SCAPER: variants seen among roughly 807,000 people sequenced by gnomAD.
SCAPER encodes S-phase cyclin A associated protein in the ER.
SCAPER carries 98 observed loss-of-function variants against 182.2 expected under a neutral mutation model. That is an observed-to-expected ratio of 0.54 (90% CI 0.46 to 0.64). The LOEUF (loss-of-function observed/expected upper bound fraction) is 0.64. Ranked by LOEUF, SCAPER falls within the 30% of genes least tolerant of loss-of-function variation. SCAPER has a pLI of 0.00. For synonymous variants in SCAPER, 605 were observed against 564.6 expected (o/e 1.07, Z -1.01); for missense variants, 1,432 against 1,690.0 (o/e 0.85, Z 2.68).
chr15:76,602,250 G>A lies in SCAPER; in HGVS notation c.2711+19514C>T, dbSNP rs549663419. On this transcript the variant is annotated intron_variant, in intron 22 of 31. Transcript: ENST00000563290. ...TTATACAGATCTGAGTTTCTGATCT[G>A]TATCATTTAACTTCTCTCTGAAGAA... Among the ~76,000 whole-genome samples, 55 of 121,926 alleles carry A rather than the reference G, an allele frequency of 4.5e-4. 3 individuals are homozygous for A. The highest frequency in any genetic ancestry group is 1.4e-3 in the African/African-American group (55 of 39,976). 80.0% of individuals were successfully genotyped at this position (121,926 alleles called of 152,430 possible). A position where few individuals can be genotyped will look rare whatever the true frequency, so the allele number is the denominator to read the frequency against.
At chr15:76,766,273 T>C (rs1006147299) in intron 11 of SCAPER, among the ~76,000 whole-genome samples, 3 of 151,910 alleles carry the variant, frequency 2.0e-5, no homozygotes, top group Non-Finnish European at 4.4e-5. Flanking sequence ...ATTTTTGTAT[T>C]TTTAGTAGAG....
At chr15:76,760,530 TAC>T (rs1460412044) in intron 14 of SCAPER, among the ~76,000 whole-genome samples, 2 of 152,160 alleles carry the variant, frequency 1.3e-5, no homozygotes, top group East Asian at 3.9e-4. Context: ...GAAGCTTCAT[TAC>T]AGAGGCATGA....
intron 10 of SCAPER, among the ~76,000 whole-genome samples, chr15:76,769,718 G>C (rs1255332536): frequency 6.6e-6 from 1 of 152,166 alleles, no homozygotes; most frequent in South Asian, 2.1e-4. Context: ...CTGTTGGTGG[G>C]AGTGTAAATT....
At chr15:76,505,124 G>A in intron 23 of SCAPER, 150 bp from the exon 24 acceptor site, 1 of 648,626 alleles carries the variant, frequency 1.5e-6, no homozygotes, top group East Asian at 2.9e-5. Context: ...ACTGCTAATT[G>A]TTTCAGTACT....
chr15:76,424,931 T>G (rs1447869437), intron 26 of SCAPER, among the ~76,000 whole-genome samples: 1 of 152,190 alleles, frequency 6.6e-6, no homozygotes, highest in East Asian at 1.9e-4. Context: ...TCTTTAAGAA[T>G]GTTGAATATT....
chr15:76,841,734 C>G lies in SCAPER; in HGVS notation c.393G>C (p.Lys131Asn), dbSNP rs1224815141. The change falls in exon 5 of 32, where the codon AAG becomes AAC. Residue 131 changes from lysine to asparagine, a missense_variant and splice_region_variant. By Grantham distance (94) the Lys-to-Asn change is moderately conservative (BLOSUM62 0). Transcript: ENST00000563290. The stretch of plus-strand genomic sequence containing the variant: ...TACAAGGCCTCAAAGCAAACCTTAC[C>G]TTACATTCGACCACACTCTGATCTG... ...CESDQSVVEC[K>N]EVLMMLDNYV... The G allele has an allele frequency of 6.2e-7, 1 of 1,613,628 alleles. No homozygotes were observed.
chr15:76,836,743 A>G (rs868594010), intron 5 of SCAPER, among the ~76,000 whole-genome samples: 31 of 152,028 alleles, frequency 2.0e-4, no homozygotes, highest in African/African-American at 7.5e-4. Flanking sequence ...GCGTGGTGGC[A>G]GGCACCCGTA....
intron 4 of SCAPER, among the ~76,000 whole-genome samples, chr15:76,850,027 A>G (rs1302305832): frequency 6.6e-6 from 1 of 152,120 alleles, no homozygotes; most frequent in Non-Finnish European, 1.5e-5. Flanking sequence ...CCTATGATCC[A>G]ATTACCTCCA....
chr15:76,698,832 G>C (rs1170243757), intron 20 of SCAPER, among the ~76,000 whole-genome samples: 1 of 152,190 alleles, frequency 6.6e-6, no homozygotes, highest in Non-Finnish European at 1.5e-5. Flanking sequence ...GAATAGCATT[G>C]AATCTGCAAA....
intron 23 of SCAPER, among the ~76,000 whole-genome samples, chr15:76,571,680 C>A (rs1035889963): frequency 2.6e-5 from 4 of 152,150 alleles, no homozygotes; most frequent in African/African-American, 9.7e-5. Flanking sequence ...ACCATTCCTC[C>A]ATCAGTGCTT....
At chr15:76,680,408 GATGATA>G (rs969435629) in intron 20 of SCAPER, among the ~76,000 whole-genome samples, 3 of 115,130 alleles carry the variant, frequency 2.6e-5, no homozygotes, top group South Asian at 3.2e-4. Flanking sequence ...TGATGATGAT[GATGATA>G]ATAATAATAA....
At chr15:76,712,130 G>A (rs2059618206) in intron 17 of SCAPER, among the ~76,000 whole-genome samples, 1 of 152,104 alleles carries the variant, frequency 6.6e-6, no homozygotes, top group Admixed American at 6.5e-5. Context: ...TGTAAGGAAG[G>A]GATCCAGTTT....
At position 76,821,139 on chromosome 15, in the gene SCAPER, C is replaced by T. The variant is rs188682546; in HGVS notation, c.394-16506G>A. Reference sequence around the variant, plus strand: ...TGCACTCCTAGTAAATACCCAAAGCCATTTAAAAACTTACATCCACACAAA... The same window carrying T: ...TGCACTCCTAGTAAATACCCAAAGCTATTTAAAAACTTACATCCACACAAA... On this transcript the variant is annotated intron_variant, in intron 5 of 31. Transcript: ENST00000563290. Among the ~76,000 whole-genome samples the T allele has an allele frequency of 6.4e-4, 97 of 152,312 alleles. 1 individual carries two copies. Among genetic ancestry groups the T allele is most frequent in the Non-Finnish European group, 2.9e-5 (2 of 68,014 alleles).
rs71444987 is a variant in SCAPER, at chr15:76,495,577, CA to C, written c.2954+9281del. ...TGGGCAACAGAGCAAGACTTGGTCT[CA>C]AAAAAAAAAAAAAAAAAAAAAAAGA... On this transcript the variant is annotated intron_variant, in intron 24 of 31. Coordinates refer to ENST00000563290, the MANE Select transcript of SCAPER (RefSeq NM_020843.4). Among the ~76,000 whole-genome samples the C allele has an allele frequency of 5.2e-3, 298 of 56,950 alleles. 1 individual carries two copies. Among genetic ancestry groups the C allele is most frequent in the African/African-American group, 0.014 (192 of 14,012 alleles). 37.4% of individuals were successfully genotyped at this position (56,950 alleles called of 152,430 possible).
chr15:76,856,820 G>A (rs1029916789), intron 4 of SCAPER, among the ~76,000 whole-genome samples: 1 of 151,972 alleles, frequency 6.6e-6, no homozygotes, highest in African/African-American at 2.4e-5. Context: ...TGTGAGCTCT[G>A]ATTGTACCAC....
At chr15:76,720,616 C>T (rs1207111039) in intron 17 of SCAPER, among the ~76,000 whole-genome samples, 2 of 152,158 alleles carry the variant, frequency 1.3e-5, no homozygotes, top group Admixed American at 1.3e-4. Flanking sequence ...TTAATGATCG[C>T]CATTCTAACT....
At chr15:76,514,745 A>G (rs551223724) in intron 23 of SCAPER, among the ~76,000 whole-genome samples, 146 of 152,368 alleles carry the variant, frequency 9.6e-4, no homozygotes, top group Middle Eastern at 6.8e-3. Flanking sequence ...CCTAATTTAT[A>G]GAGATGAGAA....
intron 4 of SCAPER, among the ~76,000 whole-genome samples, chr15:76,852,460 TGCAAA>T (rs142662396): frequency 0.015 from 2,350 of 152,162 alleles, 56 homozygotes; most frequent in African/African-American, 0.054. Context: ...CCTCAGCAAA[TGCAAA>T]AAGAACTGAA....
rs758763849 is a variant in SCAPER at position 76,823,180 on chromosome 15, T to A, written c.394-18547A>T. 1.8e-4 allele frequency among the ~76,000 whole-genome samples: 27 copies of A among 152,178 alleles called. 1 individual carries two copies. Among genetic ancestry groups the A allele is most frequent in the Non-Finnish European group, 2.5e-4 (17 of 68,026 alleles). The stretch of plus-strand genomic sequence containing the variant: ...TTTTAAACATAGATATACTTTGGGC[T>A]GGGCGCTGTGGCTCATGCCTGTAAT... On this transcript the variant is annotated intron_variant, in intron 5 of 31. Coordinates refer to ENST00000563290, the MANE Select transcript of SCAPER (RefSeq NM_020843.4).
Sources: gnomAD v4.1 joint callset for allele counts (sites outside exome capture counted in the v4.1 genomes callset) on GRCh38, gnomAD v4.1.1 for gene constraint, MANE v1.5 for transcripts, NCBI Gene and HGNC (gene_info 2026-07-23, HGNC 2026-07-21) for gene names.